The following CRYBG1 variants were observed in gnomAD, a reference collection of about 807,000 sequenced individuals.
CRYBG1 encodes crystallin beta-gamma domain containing 1, also known as beta/gamma crystallin domain-containing protein 1.
CRYBG1 carries 139 observed loss-of-function variants against 189.2 expected under a neutral mutation model. The ratio of observed to expected loss-of-function variants is 0.73; its 90% CI spans 0.64 to 0.85. CRYBG1 has a LOEUF of 0.85. Ranked by LOEUF, CRYBG1 falls within the 40% of genes least tolerant of loss-of-function variation. The probability of loss-of-function intolerance (pLI) is 0.00; values close to 1 mark genes in which losing one functional copy is unlikely to be tolerated. For missense variants in CRYBG1, 2,611 were observed against 2,675.8 expected (o/e 0.98, Z 0.53); for synonymous variants, 1,023 against 1,017.1 (o/e 1.01, Z -0.11).
intron 1 of CRYBG1, among the ~76,000 whole-genome samples, chr6:106,429,767 A>G (rs114235563): frequency 0.014 from 2,080 of 152,272 alleles, 35 homozygotes; most frequent in African/African-American, 0.048. Context: ...AAGTAATAAC[A>G]CCTATCTCAC....
chr6:106,512,112 G>T lies in CRYBG1; in HGVS notation c.995G>T (p.Arg332Leu), dbSNP rs1175697777. The T allele has an allele frequency of 1.3e-6, 2 of 1,534,366 alleles. No individual in the cohort carries two copies. Among genetic ancestry groups the T allele is most frequent in the Admixed American group, 2.0e-5 (1 of 50,918 alleles). Residue 332 changes from arginine (R) to leucine (L), a missense_variant, in exon 3 of 22, where the codon CGC becomes CTC. Physicochemically the swap from Arg to Leu is moderately radical, Grantham distance 102. Around this residue, in one of 3 missense-constraint regions of CRYBG1, gnomAD observed 985 missense variants for 924.4 expected, o/e 1.07. Transcript: ENST00000633556. Reference protein sequence around the residue: ...EEGSLGPRNARSQPPKGASDL... With the variant: ...EEGSLGPRNALSQPPKGASDL... ...GGCTCCCTGGGGCCCCGCAACGCCC[G>T]CAGCCAGCCCCCCAAGGGCGCGTCT... is the stretch of plus-strand genomic sequence containing the variant.
intron 1 of CRYBG1, among the ~76,000 whole-genome samples, chr6:106,366,458 T>C (rs2114291051): frequency 6.6e-6 from 1 of 152,360 alleles, no homozygotes; most frequent in Middle Eastern, 3.4e-3. Flanking sequence ...ATCTGTGACC[T>C]ATCTCTTAAC....
Position 106,520,339 on chromosome 6 carries a change from G to A in CRYBG1, c.3131G>A (p.Ser1044Asn), listed in dbSNP as rs749622666. Residue 1044 changes from serine to asparagine, a missense_variant, in exon 4 of 22, where the codon AGT (serine) becomes AAT (asparagine). By Grantham distance (46) the Ser-to-Asn change is conservative. Coordinates refer to ENST00000633556, the MANE Select transcript of CRYBG1 (RefSeq NM_001371242.2). ...AAAACTCTGCCTATTCAGGCTCAAA[G>A]TCAGGGCAGCAGAACACCCCTGATG... ...SEKTLPIQAQ[S>N]QGSRTPLMAE... 1 of 1,614,108 alleles carries A rather than the reference G, an allele frequency of 6.2e-7. No homozygotes were observed. Among genetic ancestry groups the A allele is most frequent in the Non-Finnish European group, 8.5e-7 (1 of 1,180,032 alleles).
chr6:106,548,894 T>TC (rs951083022), intron 13 of CRYBG1, among the ~76,000 whole-genome samples: 6 of 42,572 alleles, frequency 1.4e-4, no homozygotes, highest in African/African-American at 1.9e-4. Flanking sequence ...CCCTCCCCCC[T>TC]CCCCCCACCC....
intron 2 of CRYBG1, among the ~76,000 whole-genome samples, chr6:106,510,447 C>T (rs984998816): frequency 5.3e-5 from 8 of 152,210 alleles, no homozygotes; most frequent in Admixed American, 1.3e-4. Context: ...TGGATGCTAG[C>T]CGTTTTGCTC....
Position 106,561,364 on chromosome 6 carries a change from GA to G in CRYBG1, c.6005del (p.Asn2002ThrfsTer14). 6.2e-7 allele frequency: 1 copy of G among 1,613,806 alleles called. No homozygotes were observed. The highest frequency in any genetic ancestry group is 8.5e-7 in the Non-Finnish European group (1 of 1,179,888). ...FVQKRIYFRL[R>X]NKATGLFMST... The stretch of plus-strand genomic sequence containing the variant: ...TAGAAGCGAATTTATTTCAGACTTC[GA>G]AACAAAGCAACAGGGTTATTCATGT... On this transcript the variant is annotated frameshift_variant, in exon 20 of 22. Coordinates refer to ENST00000633556, the MANE Select transcript of CRYBG1 (RefSeq NM_001371242.2). LOFTEE classifies it high-confidence loss of function.
At chr6:106,552,409 A>G in intron 15 of CRYBG1, 193 bp downstream of exon 15, 1 of 290,986 alleles carries the variant, frequency 3.4e-6, no homozygotes, top group Non-Finnish European at 6.4e-6. Flanking sequence ...AACATGGGGA[A>G]ACCCCGTCTT....
chr6:106,521,257 A>T lies in CRYBG1; in HGVS notation c.4049A>T (p.His1350Leu). Reference sequence around the variant, plus strand: ...GATCTGGATTCACGAAGCAACCTACACTTGCCAGAAACTAAATTTTCTGAA... The same window carrying T: ...GATCTGGATTCACGAAGCAACCTACTCTTGCCAGAAACTAAATTTTCTGAA... ...KEDLDSRSNL[H>L]LPETKFSELS... The change falls in exon 4 of 22, where the codon CAC (histidine) becomes CTC (leucine). Residue 1350 changes from histidine to leucine, a missense_variant. Physicochemically the swap from His to Leu is moderately conservative, Grantham distance 99. Coordinates refer to ENST00000633556, the MANE Select transcript of CRYBG1 (RefSeq NM_001371242.2). 6.2e-7 allele frequency: 1 copy of T among 1,614,010 alleles called. No individual in the cohort carries two copies. The highest frequency in any genetic ancestry group is 8.5e-7 in the Non-Finnish European group (1 of 1,179,986).
intron 2 of CRYBG1, among the ~76,000 whole-genome samples, chr6:106,509,408 C>T (rs1392590039): frequency 2.0e-5 from 3 of 152,156 alleles, no homozygotes; most frequent in African/African-American, 7.2e-5. Context: ...AATCATACTT[C>T]GAATTCTTCC....
At chr6:106,450,437 C>T (rs557680607) in intron 1 of CRYBG1, among the ~76,000 whole-genome samples, 10 of 152,282 alleles carry the variant, frequency 6.6e-5, no homozygotes, top group African/African-American at 2.2e-4. Context: ...TCTCTTTCTA[C>T]TTTACTGGCA....
intron 3 of CRYBG1, among the ~76,000 whole-genome samples, chr6:106,516,079 C>T (rs1181567067): frequency 6.6e-6 from 1 of 152,074 alleles, no homozygotes; most frequent in African/African-American, 2.4e-5. Context: ...GCATCAGCCA[C>T]TGATCCCAGC....
intron 2 of CRYBG1, among the ~76,000 whole-genome samples, chr6:106,477,894 C>T (rs745421855): frequency 6.6e-6 from 1 of 152,244 alleles, no homozygotes; most frequent in African/African-American, 2.4e-5. Context: ...ATCTGGAGCA[C>T]GGAGCTGTGA....
At chr6:106,500,799 G>A (rs528148027) in intron 2 of CRYBG1, among the ~76,000 whole-genome samples, 1 of 152,208 alleles carries the variant, frequency 6.6e-6, no homozygotes, top group South Asian at 2.1e-4. Flanking sequence ...AAACATTTCA[G>A]TTTATCCTTA....
At chr6:106,487,400 T>C (rs867094896) in intron 2 of CRYBG1, among the ~76,000 whole-genome samples, 5 of 151,922 alleles carry the variant, frequency 3.3e-5, no homozygotes, top group Non-Finnish European at 7.4e-5. Flanking sequence ...GTTTTTATGA[T>C]ATTAATTATC....
chr6:106,362,256 A>G (rs1339735323), intron 1 of CRYBG1, among the ~76,000 whole-genome samples: 3 of 151,892 alleles, frequency 2.0e-5, no homozygotes, highest in African/African-American at 4.8e-5. Flanking sequence ...GGCATGAGCC[A>G]CCGCGCCCGG....
chr6:106,513,054 A>T lies in CRYBG1; in HGVS notation c.1922+15A>T. 1.9e-6 allele frequency: 3 copies of T among 1,592,696 alleles called. No individual in the cohort carries two copies. Among genetic ancestry groups the T allele is most frequent in the Non-Finnish European group, 2.6e-6 (3 of 1,176,402 alleles). On this transcript the variant is annotated intron_variant, in intron 3 of 21. Coordinates refer to ENST00000633556, the MANE Select transcript of CRYBG1 (RefSeq NM_001371242.2). ...AAAGTGACCCTGTAAGTAGCCGCGC[A>T]AGTCCCGGCCGAGTTGCTGTCCGCA...
chr6:106,477,586 AT>A (rs754052265), intron 2 of CRYBG1, among the ~76,000 whole-genome samples: 4 of 152,178 alleles, frequency 2.6e-5, no homozygotes, highest in Non-Finnish European at 1.5e-5. Flanking sequence ...ATTAAACTTC[AT>A]GTATTTGAGC....
At chr6:106,489,997 C>T (rs1183167096) in intron 2 of CRYBG1, among the ~76,000 whole-genome samples, 1 of 152,072 alleles carries the variant, frequency 6.6e-6, no homozygotes, top group East Asian at 1.9e-4. Context: ...GGTGAAGAAA[C>T]ATAAAGAACT....
rs1415491109 is a variant in CRYBG1 at position 106,430,547 on chromosome 6, A to G, written c.174-21147A>G. ...TTTATTGTTTGTAATGATTCCATGCATCTGGGACTTTCTGAGGTGGGAACG... is the reference window on the plus strand; with the variant it reads ...TTTATTGTTTGTAATGATTCCATGCGTCTGGGACTTTCTGAGGTGGGAACG... On this transcript the variant is annotated intron_variant, in intron 1 of 21. Transcript: ENST00000633556. 2.6e-5 allele frequency among the ~76,000 whole-genome samples: 4 copies of G among 152,300 alleles called. No homozygotes were observed. The East Asian group carries it at 7.7e-4, about 29-fold the overall frequency.
Sources: allele counts gnomAD v4.1 joint callset (sites outside exome capture counted in the v4.1 genomes callset), GRCh38; gene constraint gnomAD v4.1.1; regional missense constraint gnomAD v4.1.1; transcripts MANE v1.5; gene names NCBI Gene and HGNC (gene_info 2026-07-23, HGNC 2026-07-21).